CTNND1: variants seen among roughly 807,000 people sequenced by gnomAD.
CTNND1 encodes the protein catenin delta-1.
In CTNND1, 16 loss-of-function variants were observed where a neutral mutation model predicts 112.1. That is an observed-to-expected ratio of 0.14 (90% confidence interval 0.10 to 0.22). The LOEUF is 0.22. CTNND1 is among the 10% of genes least tolerant of loss of function. The pLI is 1.00. For synonymous variants in CTNND1, 420 were observed against 446.5 expected (o/e 0.94, Z 0.75); for missense variants, 1,008 against 1,257.0 (o/e 0.80, Z 3.00).
chr11:57,789,201 T>A (rs7126553), intron 2 of CTNND1, 46 bp downstream of exon 2: 217,439 of 1,280,114 alleles, frequency 0.17, 20,362 homozygotes, highest in Non-Finnish European at 0.19. Flanking sequence ...TCTTACTTTT[T>A]AAGAAATATG....
chr11:57,768,266 G>A (rs1488614301), intron 1 of CTNND1, among the ~76,000 whole-genome samples: 2 of 152,004 alleles, frequency 1.3e-5, no homozygotes, highest in Non-Finnish European at 2.9e-5. Context: ...AGGTAATATT[G>A]GAGAGTTGTG....
intron 1 of CTNND1, among the ~76,000 whole-genome samples, chr11:57,783,598 G>GCA (rs2059823234): frequency 6.6e-6 from 1 of 151,886 alleles, no homozygotes; most frequent in South Asian, 2.1e-4. Context: ...GGCGGAGCTT[G>GCA]CAGTGAGCCG....
intron 9 of CTNND1, 120 bp from the exon 10 acceptor site, chr11:57,805,762 T>TA: frequency 8.6e-7 from 1 of 1,157,368 alleles, no homozygotes; most frequent in East Asian, 2.6e-5. Context: ...CCTGAGAAGT[T>TA]ATGGATTGGG....
chr11:57,816,090 C>T, intron 20 of CTNND1, 89 bp downstream of exon 20: 1 of 1,254,354 alleles, frequency 8.0e-7, no homozygotes, highest in East Asian at 2.5e-5. Flanking sequence ...TCTGATCAGG[C>T]CAGAGACTAA....
At chr11:57,795,337 G>A (rs2061248074) in intron 4 of CTNND1, among the ~76,000 whole-genome samples, 1 of 152,110 alleles carries the variant, frequency 6.6e-6, no homozygotes, top group South Asian at 2.1e-4. Context: ...TCTGTCACTT[G>A]GATGTTGATG....
At chr11:57,799,557 C>T (rs1240663619) in intron 6 of CTNND1, among the ~76,000 whole-genome samples, 1 of 152,156 alleles carries the variant, frequency 6.6e-6, no homozygotes. Context: ...AGCACTGAAC[C>T]CTGAGACCTT....
At chr11:57,789,626 T>A (rs966268820) in intron 2 of CTNND1, among the ~76,000 whole-genome samples, 4 of 152,134 alleles carry the variant, frequency 2.6e-5, no homozygotes, top group African/African-American at 9.7e-5. Flanking sequence ...AGAATTGTGT[T>A]GGGCCATACA....
At chr11:57,795,430 A>T in intron 4 of CTNND1, 147 bp from the exon 5 acceptor site, 6 of 760,088 alleles carry the variant, frequency 7.9e-6, no homozygotes, top group Non-Finnish European at 1.2e-5. Flanking sequence ...TCAAAAGATG[A>T]CAGCCACCCA....
Position 57,808,436 on chromosome 11 carries a change from C to G in CTNND1, c.2138C>G (p.Ser713Cys). 1.9e-6 allele frequency: 3 copies of G among 1,612,412 alleles called. No homozygotes were observed. Among genetic ancestry groups the G allele is most frequent in the Non-Finnish European group, 2.5e-6 (3 of 1,179,012 alleles). ...RSALRQEKAL[S>C]AIADLLTNEH... is the part of the protein sequence containing the mutation. ...GCTCTGCGTCAAGAGAAGGCTCTTT[C>G]TGCCATAGCTGACCTCCTGACTAAT... Residue 713 changes from serine (S) to cysteine (C), a missense_variant, in exon 14 of 21, where the codon TCT (serine) becomes TGT (cysteine). By Grantham distance (112) the Ser-to-Cys change is moderately radical. Around this residue, in one of 5 missense-constraint regions of CTNND1, gnomAD observed 254 missense variants for 279.5 expected, o/e 0.91. Transcript: ENST00000399050.
Position 57,802,251 on chromosome 11 carries a change from T to TGAGAACTA in CTNND1, c.1420+59_1420+66dup. Reference sequence around the variant, plus strand: ...AGTCAGTGTTACTCTCTAGTGATGTTGAGAACTAGAGGGATTTCCAGACCT... The same window carrying TGAGAACTA: ...AGTCAGTGTTACTCTCTAGTGATGTTGAGAACTAGAGAACTAGAGGGATTTCCAGACCT... On this transcript the variant is annotated intron_variant, in intron 7 of 20. Transcript: ENST00000399050. 2.8e-6 allele frequency: 4 copies of TGAGAACTA among 1,425,122 alleles called. No homozygotes were observed. The South Asian group carries it at 5.3e-5, about 19-fold the overall frequency. 88.3% of individuals were successfully genotyped at this position (1,425,122 alleles called of 1,614,324 possible).
At chr11:57,816,229 CTT>C in intron 20 of CTNND1, 66 bp from the exon 21 acceptor site, 1 of 1,597,146 alleles carries the variant, frequency 6.3e-7, no homozygotes, top group Non-Finnish European at 8.6e-7. Flanking sequence ...ATTTGCTCAA[CTT>C]TTTTGGGGGG....
chr11:57,774,691 GTTTATTTATTTATTTA>G (rs111874552), intron 1 of CTNND1, among the ~76,000 whole-genome samples: 10 of 148,190 alleles, frequency 6.7e-5, no homozygotes, highest in Non-Finnish European at 1.3e-4. Context: ...GTCTATGAGG[GTTTATTTATTTATTTA>G]TTTATTTATT....
intron 1 of CTNND1, 40 bp downstream of exon 1, chr11:57,762,159 CTGA>C (rs762521733): frequency 1.0e-5 from 9 of 882,510 alleles, no homozygotes; most frequent in Non-Finnish European, 9.5e-6. Context: ...GTCTGTTATG[CTGA>C]TGAGTAACTT....
rs1407880762 is a variant in CTNND1 at position 57,811,898 on chromosome 11, ATTT to A, written c.2638+415_2638+417del. 2.3e-4 allele frequency among the ~76,000 whole-genome samples: 35 copies of A among 152,336 alleles called. No homozygotes were observed. In the South Asian group the frequency reaches 6.8e-3, roughly 30 times the overall value. On this transcript the variant is annotated intron_variant, in intron 17 of 20. Coordinates refer to ENST00000399050, the MANE Select transcript of CTNND1 (RefSeq NM_001085458.2). ...GAAAACCACTTGTATCTTTTAAAAC[ATTT>A]TTATCATGTGAGTAAACACATTTTT...
At position 57,771,926 on chromosome 11, in the gene CTNND1, TTTTC is replaced by T. The variant is rs371037496; in HGVS notation, c.-214+9811_-214+9814del. On this transcript the variant is annotated intron_variant, in intron 1 of 20. Transcript: ENST00000399050. ...TGTTTTTGGGAAGTGGGATCAAAAT[TTTTC>T]TTTTTCTTTTTTTTTTTTCTTTTTT... Among the ~76,000 whole-genome samples the T allele has an allele frequency of 1.3e-3, 196 of 151,960 alleles. 2 individuals carry two copies. Among genetic ancestry groups the T allele is most frequent in the African/African-American group, 4.0e-3 (164 of 41,488 alleles).
At chr11:57,808,581 C>CAGTG in intron 14 of CTNND1, 41 bp downstream of exon 14, 1 of 1,531,722 alleles carries the variant, frequency 6.5e-7, no homozygotes, top group Non-Finnish European at 8.8e-7. Context: ...AAATTTAGTA[C>CAGTG]AGTGTTTGTA....
chr11:57,785,551 TG>T (rs1444609693), intron 1 of CTNND1, among the ~76,000 whole-genome samples: 1 of 151,124 alleles, frequency 6.6e-6, no homozygotes, highest in Non-Finnish European at 1.5e-5. Flanking sequence ...GATTTTTTTG[TG>T]TGTGTGTGTG....
Position 57,761,944 on chromosome 11 carries a change from T to C in CTNND1, c.-389T>C, listed in dbSNP as rs935574893. The C allele has an allele frequency of 1.0e-6, 1 of 985,184 alleles. No individual in the cohort carries two copies. The highest frequency in any genetic ancestry group is 1.2e-6 in the Non-Finnish European group (1 of 829,888). 61.0% of individuals were successfully genotyped at this position (985,184 alleles called of 1,614,324 possible). ...GAAAGATCCCGAAAGGAGGAAGAGG[T>C]GGCGAAAAATCAACTGCCCTGCTGG... On this transcript the variant is annotated 5_prime_UTR_variant, in exon 1 of 21. Coordinates refer to ENST00000399050, the MANE Select transcript of CTNND1 (RefSeq NM_001085458.2).
intron 2 of CTNND1, among the ~76,000 whole-genome samples, chr11:57,790,918 C>G (rs1333698035): frequency 6.6e-6 from 1 of 151,876 alleles, no homozygotes; most frequent in Non-Finnish European, 1.5e-5. Context: ...AATTTGCTGC[C>G]ACTTCAGCAG....
Sources: gnomAD v4.1 joint callset for allele counts (sites outside exome capture counted in the v4.1 genomes callset) on GRCh38, gnomAD v4.1.1 for gene constraint, gnomAD v4.1.1 regional missense constraint, MANE v1.5 for transcripts, NCBI Gene and HGNC (gene_info 2026-07-23, HGNC 2026-07-21) for gene names.